Variants in CELF2 observed in about 807,000 individuals in gnomAD.
The protein encoded by CELF2 is CUGBP Elav-like family member 2, also known as CUG triplet repeat RNA-binding protein 2.
In CELF2, 8 loss-of-function variants were observed where a neutral mutation model predicts 62.6. The observed-to-expected ratio is 0.13, with a 90% CI of 0.07 to 0.23. The LOEUF (loss-of-function observed/expected upper bound fraction) is 0.23. Among genes scored for constraint, CELF2 ranks in the 10% least tolerant of loss-of-function variants. The pLI, the probability that CELF2 is intolerant of heterozygous loss-of-function variation, is 1.00. For missense variants in CELF2, 333 were observed against 671.0 expected (o/e 0.50, Z 5.56); for synonymous variants, 258 against 250.0 (o/e 1.03, Z -0.30).
chr10:11,146,915 G>A (rs1383205453), intron 1 of CELF2, among the ~76,000 whole-genome samples: 1 of 152,232 alleles, frequency 6.6e-6, no homozygotes, highest in Non-Finnish European at 1.5e-5. Context: ...TGTGACATCA[G>A]AAAGGATGTG....
chr10:10,472,327 T>C, the CELF2 span, among the ~76,000 whole-genome samples: 1 of 151,816 alleles, frequency 6.6e-6, no homozygotes, highest in Non-Finnish European at 1.5e-5. Context: ...TGATTTATCT[T>C]CAAGTTTACT....
the CELF2 span, among the ~76,000 whole-genome samples, chr10:10,784,973 A>G: frequency 6.6e-6 from 1 of 152,220 alleles, no homozygotes. Context: ...CTACAACCAA[A>G]GTGTTCAGTT....
chr10:10,816,235 C>T (rs1453132497), intron 1 of CELF2, among the ~76,000 whole-genome samples: 2 of 152,070 alleles, frequency 1.3e-5, no homozygotes, highest in African/African-American at 2.4e-5. Flanking sequence ...TGAAGAGGCC[C>T]TGTGTTTCAT....
rs185201820 is a variant in CELF2, at chr10:10,801,771, C to G, written c.53+2954C>G. On this transcript the variant is annotated intron_variant, in intron 1 of 13. Coordinates refer to the CELF2 transcript ENST00000636488. ...AGCTCAGTCTAGAGTTCTGCCAAAC[C>G]TGTTGCTCCTAAAAAGTCATCAAAA... 1.5e-3 allele frequency among the ~76,000 whole-genome samples: 233 copies of G among 152,268 alleles called. 2 individuals carry two copies. Among genetic ancestry groups the G allele is most frequent in the African/African-American group, 5.5e-3 (227 of 41,560 alleles).
chr10:10,536,068 G>A, the CELF2 span, among the ~76,000 whole-genome samples: 4 of 146,918 alleles, frequency 2.7e-5, no homozygotes, highest in Non-Finnish European at 4.5e-5. Flanking sequence ...TCGCCAGGCT[G>A]TAGTGCAGTG....
rs553831640 is a variant in CELF2 at position 11,262,940 on chromosome 10, C to CTTTTTT, written c.539-3636_539-3631dup. On this transcript the variant is annotated intron_variant, in intron 5 of 12. Coordinates refer to ENST00000633077, the MANE Select transcript of CELF2 (RefSeq NM_001326342.2). ...GTTCATGCTTTTAAAAGTGGCTTTA[C>CTTTTTT]TTTTTTTTTTTTTTTTTTTTTTTTT... is the stretch of plus-strand genomic sequence containing the variant. 1.6e-3 allele frequency among the ~76,000 whole-genome samples: 82 copies of CTTTTTT among 52,762 alleles called. 25 individuals carry two copies. Among genetic ancestry groups the CTTTTTT allele is most frequent in the South Asian group, 4.7e-3 (4 of 858 alleles). 34.6% of individuals were successfully genotyped at this position (52,762 alleles called of 152,430 possible). A position where few individuals can be genotyped will look rare whatever the true frequency, so the allele number is the denominator to read the frequency against.
At chr10:10,543,770 A>ACAACAACAG in the CELF2 span, among the ~76,000 whole-genome samples, 1 of 151,086 alleles carries the variant, frequency 6.6e-6, no homozygotes, top group Non-Finnish European at 1.5e-5. Flanking sequence ...AACAACAACA[A>ACAACAACAG]CAACAACAAC....
At position 11,333,197 on chromosome 10, in the gene CELF2, A is replaced by AG. The variant is rs2132978885; in HGVS notation, c.*4144_*4145insG. Reference sequence around the variant, plus strand: ...GAGTGTTTCTTCTTCACAAGTCACCAAGAGAGGACATGAGGGGGAAAGTCC... The same window carrying AG: ...GAGTGTTTCTTCTTCACAAGTCACCAGAGAGAGGACATGAGGGGGAAAGTCC... On this transcript the variant is annotated 3_prime_UTR_variant, in exon 13 of 13. Transcript: ENST00000633077. The AG allele has an allele frequency of 1.4e-5, 2 of 139,324 alleles. No homozygotes were observed. The highest frequency in any genetic ancestry group is 5.0e-4 in the South Asian group (2 of 4,010). The allele number at this position is 139,324 out of a possible 1,614,324, so 8.6% of individuals were successfully genotyped here. A position where few individuals can be genotyped will look rare whatever the true frequency, so the allele number is the denominator to read the frequency against.
chr10:10,589,699 A>G, the CELF2 span, among the ~76,000 whole-genome samples: 1 of 152,142 alleles, frequency 6.6e-6, no homozygotes, highest in Non-Finnish European at 1.5e-5. Context: ...TTCCCCCACA[A>G]GAAAAGACGT....
At chr10:10,965,005 CTCT>C (rs1196792987) in intron 2 of CELF2, among the ~76,000 whole-genome samples, 2 of 152,046 alleles carry the variant, frequency 1.3e-5, no homozygotes, top group Admixed American at 6.6e-5. Context: ...CAGTCATTGT[CTCT>C]GATGATAAAA....
rs573952263 is a variant in CELF2 at position 11,081,594 on chromosome 10, TAAAA to T, written c.74+63434_74+63437del. On this transcript the variant is annotated intron_variant, in intron 1 of 12. Transcript: ENST00000633077. The stretch of plus-strand genomic sequence containing the variant: ...TGGAAGAGTTGAGATAGAAAAAAAA[TAAAA>T]AATAGGAGATTTCATTAAATTCACG... 2.6e-5 allele frequency among the ~76,000 whole-genome samples: 4 copies of T among 152,104 alleles called. No individual in the cohort carries two copies. The South Asian group carries it at 6.2e-4, about 24-fold the overall frequency.
Position 11,242,037 on chromosome 10 carries a change from A to G in CELF2, c.355-7116A>G, listed in dbSNP as rs958086913. The stretch of plus-strand genomic sequence containing the variant: ...AAATACCAGTGGGTCTTTACTGGCC[A>G]TAATATTTTCGTTTTCTCAGTTGGC... On this transcript the variant is annotated intron_variant, in intron 3 of 12. Coordinates refer to ENST00000633077, the MANE Select transcript of CELF2 (RefSeq NM_001326342.2). This position sits in a 1 kb window ranked among gnomAD's most constrained non-coding sequence, Gnocchi z 4.8. Among the ~76,000 whole-genome samples, 6 of 152,170 alleles carry G rather than the reference A, an allele frequency of 3.9e-5. No individual in the cohort carries two copies. Among genetic ancestry groups the G allele is most frequent in the African/African-American group, 1.2e-4 (5 of 41,436 alleles).
Position 10,909,597 on chromosome 10 carries a change from A to G in CELF2, c.54-10367A>G, listed in dbSNP as rs914075189. On this transcript the variant is annotated intron_variant, in intron 1 of 13. Coordinates refer to the CELF2 transcript ENST00000636488. ...TTGTGTTTTCATTTCTCAGAAAGAG[A>G]AGGAGCATCTCTAAGACAAAAATCT... is the stretch of plus-strand genomic sequence containing the variant. Among the ~76,000 whole-genome samples the G allele has an allele frequency of 4.6e-5, 7 of 152,174 alleles. 1 individual carries two copies. In the South Asian group the frequency reaches 1.4e-3, roughly 32 times the overall value.
chr10:11,064,702 G>C (rs1449550614), intron 1 of CELF2, among the ~76,000 whole-genome samples: 1 of 151,950 alleles, frequency 6.6e-6, no homozygotes, highest in African/African-American at 2.4e-5. Flanking sequence ...TTAAAATCTT[G>C]ATATATAGAG....
At chr10:10,547,591 C>T in the CELF2 span, among the ~76,000 whole-genome samples, 2 of 152,078 alleles carry the variant, frequency 1.3e-5, no homozygotes, top group East Asian at 1.9e-4. Context: ...ATGTGAGCCA[C>T]TTGGTCTCTG....
the CELF2 span, among the ~76,000 whole-genome samples, chr10:10,533,171 T>C: frequency 1.3e-5 from 2 of 152,198 alleles, no homozygotes; most frequent in African/African-American, 4.8e-5. Context: ...CATTTCAATG[T>C]GGAGAGTATG....
chr10:10,681,188 C>T, the CELF2 span, among the ~76,000 whole-genome samples: 5 of 152,124 alleles, frequency 3.3e-5, no homozygotes, highest in Admixed American at 6.6e-5. Flanking sequence ...CAGCTAAGGA[C>T]TCCATTTATT....
chr10:10,973,093 C>A (rs1050972908), intron 2 of CELF2, among the ~76,000 whole-genome samples: 2 of 151,706 alleles, frequency 1.3e-5, no homozygotes, highest in Non-Finnish European at 2.9e-5. Flanking sequence ...AGTTCGAGAC[C>A]AGCCTGGCCA....
the CELF2 span, among the ~76,000 whole-genome samples, chr10:10,612,772 C>T: frequency 1.3e-5 from 2 of 152,158 alleles, no homozygotes; most frequent in East Asian, 3.9e-4. Context: ...TTTGCATGTC[C>T]CTTCAGAGCC....
Sources: gnomAD v4.1 joint callset for allele counts (sites outside exome capture counted in the v4.1 genomes callset) on GRCh38, gnomAD v4.1.1 for gene constraint, Gnocchi (gnomAD v3.1) non-coding constraint, MANE v1.5 for transcripts, NCBI Gene and HGNC (gene_info 2026-07-23, HGNC 2026-07-21) for gene names.